The following LYN variants were observed in gnomAD, a reference collection of about 807,000 sequenced individuals.
LYN encodes LYN proto-oncogene, Src family tyrosine kinase, also known as tyrosine-protein kinase Lyn.
LYN carries 12 observed loss-of-function variants against 65.0 expected under a neutral mutation model. The ratio of observed to expected loss-of-function variants is 0.18; its 90% CI spans 0.12 to 0.30. LYN has a LOEUF of 0.30. Among genes scored for constraint, LYN ranks in the 10% least tolerant of loss-of-function variants. The pLI, the probability that LYN is intolerant of heterozygous loss-of-function variation, is 1.00. For synonymous variants in LYN, 222 were observed against 221.2 expected (o/e 1.00, Z -0.03); for missense variants, 380 against 623.2 (o/e 0.61, Z 4.16).
chr8:55,894,833 C>T (rs575797650), intron 1 of LYN, among the ~76,000 whole-genome samples: 18 of 152,118 alleles, frequency 1.2e-4, no homozygotes, highest in Admixed American at 2.6e-4. Context: ...CCATGCCTGG[C>T]CTGCCTGGCT....
intron 1 of LYN, among the ~76,000 whole-genome samples, chr8:55,926,191 C>T (rs1806106031): frequency 6.6e-6 from 1 of 152,142 alleles, no homozygotes; most frequent in African/African-American, 2.4e-5. Context: ...GTAGATTTAC[C>T]CCCCAGATCC....
At chr8:55,891,204 T>C (rs1016965530) in intron 1 of LYN, among the ~76,000 whole-genome samples, 60 of 151,972 alleles carry the variant, frequency 3.9e-4, no homozygotes, top group African/African-American at 1.4e-3. Context: ...AATACAAAAT[T>C]AGTCGAACAT....
chr8:55,926,151 C>T (rs953738853), intron 1 of LYN, among the ~76,000 whole-genome samples: 1 of 152,202 alleles, frequency 6.6e-6, no homozygotes, highest in African/African-American at 2.4e-5. Flanking sequence ...ACAGCAGATT[C>T]CTGCCCTACC....
intron 2 of LYN, among the ~76,000 whole-genome samples, chr8:55,943,649 G>A (rs952078763): frequency 2.6e-4 from 39 of 151,092 alleles, no homozygotes; most frequent in Admixed American, 1.3e-4. Flanking sequence ...AGGTGTTTTA[G>A]AAATATATTC....
intron 8 of LYN, among the ~76,000 whole-genome samples, chr8:55,961,138 A>C (rs1807260265): frequency 6.6e-6 from 1 of 152,086 alleles, no homozygotes; most frequent in African/African-American, 2.4e-5. Flanking sequence ...TCCAAAATCA[A>C]CTGCATGCAT....
chr8:55,982,938 C>T (rs1025786136), intron 10 of LYN, among the ~76,000 whole-genome samples: 4 of 152,116 alleles, frequency 2.6e-5, no homozygotes, highest in African/African-American at 4.8e-5. Context: ...CTGTCCCTAC[C>T]GCCCCTCCGC....
Position 55,911,288 on chromosome 8 carries a change from T to A in LYN, c.-5-30567T>A, listed in dbSNP as rs1299483695. Among the ~76,000 whole-genome samples, 151 of 93,072 alleles carry A rather than the reference T, an allele frequency of 1.6e-3. 13 individuals carry two copies. The highest frequency in any genetic ancestry group is 2.2e-3 in the Non-Finnish European group (106 of 48,154). 61.1% of individuals were successfully genotyped at this position (93,072 alleles called of 152,430 possible). A position where few individuals can be genotyped will look rare whatever the true frequency, so the allele number is the denominator to read the frequency against. On this transcript the variant is annotated intron_variant, in intron 1 of 12. Transcript: ENST00000519728. ...ATATATATATATATATATATATATT[T>A]TTTTTTTTTTTTTAGTAGAGACAGG...
intron 1 of LYN, among the ~76,000 whole-genome samples, chr8:55,916,822 G>A (rs1281046029): frequency 1.3e-5 from 2 of 152,124 alleles, no homozygotes. Flanking sequence ...TTAATTTTGG[G>A]TGATGAGTGA....
At chr8:55,996,656 C>T (rs529342454) in intron 10 of LYN, among the ~76,000 whole-genome samples, 1 of 151,498 alleles carries the variant, frequency 6.6e-6, no homozygotes, top group African/African-American at 2.4e-5. Flanking sequence ...CCTTCCTTCC[C>T]TCCTTCCTTT....
At chr8:55,978,376 A>G (rs1167870759) in intron 10 of LYN, among the ~76,000 whole-genome samples, 1 of 152,234 alleles carries the variant, frequency 6.6e-6, no homozygotes, top group Non-Finnish European at 1.5e-5. Context: ...AGGAATGTGC[A>G]TGGGGCAGCT....
chr8:55,945,611 C>T (rs1248583255), intron 2 of LYN, among the ~76,000 whole-genome samples: 1 of 152,210 alleles, frequency 6.6e-6, no homozygotes, highest in Non-Finnish European at 1.5e-5. Context: ...CTGACAGCAT[C>T]TATCTTACAA....
At chr8:55,889,997 C>G (rs1247327590) in intron 1 of LYN, among the ~76,000 whole-genome samples, 1 of 151,224 alleles carries the variant, frequency 6.6e-6, no homozygotes, top group Non-Finnish European at 1.5e-5. Context: ...AGTTGCTTAG[C>G]TGGGTGAAGT....
intron 4 of LYN, 64 bp downstream of exon 4, chr8:55,947,787 C>A: frequency 8.9e-7 from 1 of 1,129,048 alleles, no homozygotes; most frequent in Non-Finnish European, 1.3e-6. Flanking sequence ...TGCAGGCTGT[C>A]CCCTTGTCTT....
chr8:55,888,438 C>G (rs333616), intron 1 of LYN, among the ~76,000 whole-genome samples: 5 of 151,942 alleles, frequency 3.3e-5, no homozygotes, highest in Non-Finnish European at 7.4e-5. Flanking sequence ...TGAAGCTAAT[C>G]TTTTTGTCCA....
chr8:56,006,332 G>T (rs1464789571), intron 12 of LYN, among the ~76,000 whole-genome samples: 6 of 152,090 alleles, frequency 3.9e-5, no homozygotes. Context: ...ATAATAATTT[G>T]CCCTTTTGGA....
chr8:56,010,436 A>C lies in LYN; in HGVS notation c.*326A>C. The C allele has an allele frequency of 2.8e-6, 1 of 359,814 alleles. No individual in the cohort carries two copies. Among genetic ancestry groups the C allele is most frequent in the Non-Finnish European group, 5.2e-6 (1 of 192,104 alleles). 22.3% of individuals were successfully genotyped at this position (359,814 alleles called of 1,614,324 possible). Reference sequence around the variant, plus strand: ...GCACCCAACTAGCTCTATGTTTACAAATGGACATAGGACTCAAAGTTTCAG... The same window carrying C: ...GCACCCAACTAGCTCTATGTTTACACATGGACATAGGACTCAAAGTTTCAG... On this transcript the variant is annotated 3_prime_UTR_variant, in exon 13 of 13. Transcript: ENST00000519728.
rs2130604883 is a variant in LYN, at chr8:56,010,166, A to G, written c.*56A>G. 1.3e-6 allele frequency: 2 copies of G among 1,556,108 alleles called. No individual in the cohort carries two copies. Among genetic ancestry groups the G allele is most frequent in the Non-Finnish European group, 8.9e-7 (1 of 1,129,680 alleles). ...GTGGCTGCCTCATTTAGAGAGGAAA[A>G]GTAACCATCACTGGTTGCACTTATG... is the stretch of plus-strand genomic sequence containing the variant. On this transcript the variant is annotated 3_prime_UTR_variant, in exon 13 of 13. Coordinates refer to ENST00000519728, the MANE Select transcript of LYN (RefSeq NM_002350.4).
chr8:55,900,939 A>G (rs1805243124), intron 1 of LYN, among the ~76,000 whole-genome samples: 1 of 152,184 alleles, frequency 6.6e-6, no homozygotes, highest in African/African-American at 2.4e-5. Flanking sequence ...TTTACTAACA[A>G]CAAAAAGAAG....
intron 10 of LYN, among the ~76,000 whole-genome samples, chr8:55,974,400 C>T (rs575346112): frequency 3.9e-5 from 6 of 152,274 alleles, no homozygotes; most frequent in African/African-American, 1.4e-4. Flanking sequence ...AATTTAAAGC[C>T]ACATTTTAAG....
Sources: allele counts gnomAD v4.1 joint callset (sites outside exome capture counted in the v4.1 genomes callset), GRCh38; gene constraint gnomAD v4.1.1; transcripts MANE v1.5; gene names NCBI Gene and HGNC (gene_info 2026-07-23, HGNC 2026-07-21).